Variants in EXOC3L4 observed in about 807,000 individuals in gnomAD.
The protein encoded by EXOC3L4 is exocyst complex component 3 like 4.
Under a neutral mutation model 69.7 loss-of-function variants are expected in EXOC3L4, and 62 were observed. The ratio of observed to expected loss-of-function variants is 0.89; its 90% CI spans 0.72 to 1.10. The LOEUF (loss-of-function observed/expected upper bound fraction) is 1.10, where lower values mean the gene tolerates loss of function less well. Among genes scored for constraint, EXOC3L4 ranks in the 50% least tolerant of loss-of-function variants. EXOC3L4 has a pLI of 0.00. For synonymous variants in EXOC3L4, 502 were observed against 464.2 expected (o/e 1.08, Z -1.05); for missense variants, 1,087 against 1,034.8 (o/e 1.05, Z -0.69).
In EXOC3L4 at chr14:103,102,400, CTTCTCCCCCCGACGACG is replaced by C. The variant is rs1372805130; in HGVS notation, c.678_694del (p.Ser227ArgfsTer120). The C allele has an allele frequency of 3.9e-6, 6 of 1,541,316 alleles. No individual in the cohort carries two copies. In the East Asian group the frequency reaches 1.2e-4, roughly 32 times the overall value. On this transcript the variant is annotated frameshift_variant, in exon 3 of 12. Coordinates refer to ENST00000688303, the MANE Select transcript of EXOC3L4 (RefSeq NM_001077594.2). LOFTEE classifies it high-confidence loss of function. ...GTGAGCGCGGAGGAGGAAGCCCACC[CTTCTCCCCCCGACGACG>C]GCGACTTCCTGCGCACGCCGCGCCG... is the stretch of plus-strand genomic sequence containing the variant.
chr14:103,100,726 C>A, intron 2 of EXOC3L4, 113 bp downstream of exon 2: 1 of 1,291,736 alleles, frequency 7.7e-7, no homozygotes, highest in Admixed American at 2.8e-5. Context: ...ACCCTGCCCC[C>A]GAACATGTGC....
chr14:103,104,639 ACAGCGGGGCGGGCTGGAGGCG>A (rs11275586), intron 5 of EXOC3L4, 78 bp from the exon 6 acceptor site: 317,595 of 1,295,234 alleles, frequency 0.25, 38,199 homozygotes, highest in South Asian at 0.27. Context: ...ACTGACAGGC[ACAGCGGGGCGGGCTGGAGGCG>A]CAGCGGGGGC....
At chr14:103,101,966 T>G in intron 2 of EXOC3L4, 152 bp from the exon 3 acceptor site, 3 of 841,450 alleles carry the variant, frequency 3.6e-6, no homozygotes, top group Non-Finnish European at 5.4e-6. Context: ...CTGGGGCCTG[T>G]TGTTCCTGGA....
chr14:103,110,364 G>C lies in EXOC3L4; in HGVS notation c.*141G>C. The stretch of plus-strand genomic sequence containing the variant: ...GGGAATTTTTGTCGTCAGCAGCCAA[G>C]CGCAGCTGTCAGGCCAGAAGGAGCA... On this transcript the variant is annotated 3_prime_UTR_variant, in exon 12 of 12. Coordinates refer to ENST00000688303, the MANE Select transcript of EXOC3L4 (RefSeq NM_001077594.2). 9.7e-7 allele frequency: 1 copy of C among 1,028,982 alleles called. No individual in the cohort carries two copies. The highest frequency in any genetic ancestry group is 1.5e-6 in the Non-Finnish European group (1 of 685,706). The allele number at this position is 1,028,982 out of a possible 1,614,324, so 63.7% of individuals were successfully genotyped here. A position where few individuals can be genotyped will look rare whatever the true frequency, so the allele number is the denominator to read the frequency against.
Position 103,104,730 on chromosome 14 carries a change from G to C in EXOC3L4, c.1285-8G>C, listed in dbSNP as rs1163941018. 3.3e-6 allele frequency: 5 copies of C among 1,492,926 alleles called. No homozygotes were observed. Among genetic ancestry groups the C allele is most frequent in the Non-Finnish European group, 4.5e-6 (5 of 1,122,234 alleles). 92.5% of individuals were successfully genotyped at this position (1,492,926 alleles called of 1,614,324 possible). On this transcript the variant is annotated splice_polypyrimidine_tract_variant and splice_region_variant and intron_variant, in intron 5 of 11. Coordinates refer to ENST00000688303, the MANE Select transcript of EXOC3L4 (RefSeq NM_001077594.2). ...GGAGGCACGCTCAGTGCGGGGCTTC[G>C]CTCGCAGCTCGTGGCCGAGCACGTG...
rs956215361 is a variant in EXOC3L4, at chr14:103,097,910, G to T, written c.-16-2294G>T. Among the ~76,000 whole-genome samples the T allele has an allele frequency of 2.6e-5, 4 of 152,152 alleles. No homozygotes were observed. The highest frequency in any genetic ancestry group is 6.5e-5 in the Admixed American group (1 of 15,282). On this transcript the variant is annotated intron_variant, in intron 1 of 11. Coordinates refer to ENST00000688303, the MANE Select transcript of EXOC3L4 (RefSeq NM_001077594.2). The surrounding 1 kb of genome is among the most constrained non-coding windows in gnomAD (Gnocchi z 4.9). ...GAGGTGTCATCAGCGGGAGGTGGGGGGTGGAGGAAGGAGGTTCCAGGATGG... is the reference window on the plus strand; with the variant it reads ...GAGGTGTCATCAGCGGGAGGTGGGGTGTGGAGGAAGGAGGTTCCAGGATGG...
In EXOC3L4 at chr14:103,104,801, C is replaced by G. The variant is rs1265329999; in HGVS notation, c.1348C>G (p.Arg450Gly). The change falls in exon 6 of 12, where the codon CGA becomes GGA. Residue 450 changes from arginine (R) to glycine (G), a missense_variant. By Grantham distance (125) the Arg-to-Gly change is moderately radical. Transcript: ENST00000688303. ...CGCGGAGCTGGAGGCCACCACCCTG[C>G]GAATCTGCACGCGGGCGCTCGGCCT... ...ISAELEATTL[R>G]ICTRALGLFV... 2.0e-6 allele frequency: 3 copies of G among 1,522,134 alleles called. No individual in the cohort carries two copies. The highest frequency in any genetic ancestry group is 2.4e-5 in the South Asian group (2 of 82,292). 94.3% of individuals were successfully genotyped at this position (1,522,134 alleles called of 1,614,324 possible). A position where few individuals can be genotyped will look rare whatever the true frequency, so the allele number is the denominator to read the frequency against.
rs1890245890 is a variant in EXOC3L4 at position 103,102,404 on chromosome 14, T to C, written c.681T>C (p.Ser227=). The stretch of plus-strand genomic sequence containing the variant: ...GCGCGGAGGAGGAAGCCCACCCTTC[T>C]CCCCCCGACGACGGCGACTTCCTGC... ...VVSAEEEAHP[S]PPDDGDFLRT... is the part of the protein sequence containing the mutation. Residue 227 remains serine, a synonymous_variant, in exon 3 of 12, where the codon TCT becomes TCC. Transcript: ENST00000688303. The C allele has an allele frequency of 1.3e-6, 2 of 1,536,838 alleles. No individual in the cohort carries two copies. The highest frequency in any genetic ancestry group is 1.7e-4 in the Middle Eastern group (1 of 5,748).
rs570268756 is a variant in EXOC3L4 at position 103,107,535 on chromosome 14, C to T, written c.1693C>T (p.Arg565Trp). Residue 565 changes from arginine to tryptophan, a missense_variant, in exon 9 of 12, where the codon CGG becomes TGG. Physicochemically the swap from Arg to Trp is moderately radical, Grantham distance 101. Transcript: ENST00000688303. ...AGHLQRVARP[R>W]AQETLQEVHR... ...TCATCTCCAGCGTGTGGCCCGGCCGCGGGCACAGGTACCACAAGGGGGAGG... is the reference window on the plus strand; with the variant it reads ...TCATCTCCAGCGTGTGGCCCGGCCGTGGGCACAGGTACCACAAGGGGGAGG... The T allele has an allele frequency of 1.5e-5, 24 of 1,613,610 alleles. No individual in the cohort carries two copies. Among genetic ancestry groups the T allele is most frequent in the Middle Eastern group, 1.6e-4 (1 of 6,062 alleles).
rs988808817 is a variant in EXOC3L4, at chr14:103,104,276, G to T, written c.1171G>T (p.Ala391Ser). The stretch of plus-strand genomic sequence containing the variant: ...TCCCTTCTCCCCCCAGGCCAAGATC[G>T]CAAGCTGCTTCGACAGCATCTTGCA... ...DYTSFLEAKIASCFDSILQLE... is the reference protein window; with the variant it reads ...DYTSFLEAKISSCFDSILQLE... The change falls in exon 5 of 12, where the codon GCA (alanine) becomes TCA (serine). Residue 391 changes from alanine (A) to serine (S), a missense_variant. Transcript: ENST00000688303. The T allele has an allele frequency of 2.5e-6, 4 of 1,589,854 alleles. No individual in the cohort carries two copies. Among genetic ancestry groups the T allele is most frequent in the Non-Finnish European group, 3.4e-6 (4 of 1,170,042 alleles).
Position 103,103,972 on chromosome 14 carries a change from C to T in EXOC3L4, c.1081C>T (p.Leu361=), listed in dbSNP as rs1313547462. ...PDFLGAPGLA[L]PAEPLPPLLA... ...CTTCCTGGGCGCCCCGGGGCTGGCG[C>T]TGCCCGCCGAGCCGCTGCCTCCGCT... The change falls in exon 4 of 12, where the codon CTG becomes TTG. Residue 361 remains leucine (L), a synonymous_variant. Transcript: ENST00000688303. 3 of 1,550,378 alleles carry T rather than the reference C, an allele frequency of 1.9e-6. No homozygotes were observed. In the Admixed American group the frequency reaches 5.7e-5, roughly 29 times the overall value.
intron 1 of EXOC3L4, among the ~76,000 whole-genome samples, chr14:103,099,535 C>T (rs954258462): frequency 6.6e-6 from 1 of 152,350 alleles, no homozygotes; most frequent in South Asian, 2.1e-4. Context: ...AGACCCGAGG[C>T]TCCTCCTTCT....
chr14:103,106,741 G>T, intron 7 of EXOC3L4, 44 bp from the exon 8 acceptor site: 1 of 1,273,126 alleles, frequency 7.9e-7, no homozygotes, highest in East Asian at 2.5e-5. Flanking sequence ...TCCCCAGCCT[G>T]GTCTCCCTTG....
upstream of EXOC3L4, among the ~76,000 whole-genome samples, chr14:103,094,555 G>A (rs1437200376): frequency 6.6e-6 from 1 of 151,604 alleles, no homozygotes; most frequent in Admixed American, 6.5e-5. Flanking sequence ...CCCTTGGACT[G>A]AGCCCTGAGC....
rs116779416 is a variant in EXOC3L4, at chr14:103,097,546, G to A, written c.-16-2658G>A. 7.7e-3 allele frequency among the ~76,000 whole-genome samples: 1,175 copies of A among 152,246 alleles called. 21 individuals carry two copies. The highest frequency in any genetic ancestry group is 0.027 in the African/African-American group (1,125 of 41,526). ...CAGCATGGCAGCAGGCAGGCCAGCC[G>A]GGGGTGGCAGGGCGACCCTGATACC... On this transcript the variant is annotated intron_variant, in intron 1 of 11. Coordinates refer to ENST00000688303, the MANE Select transcript of EXOC3L4 (RefSeq NM_001077594.2). The surrounding 1 kb of genome is among the most constrained non-coding windows in gnomAD (Gnocchi z 4.9).
intron 11 of EXOC3L4, among the ~76,000 whole-genome samples, chr14:103,109,673 C>T (rs8020073): frequency 0.029 from 127 of 4,332 alleles, 23 homozygotes; most frequent in Non-Finnish European, 0.033. Context: ...CTCCACCCTG[C>T]CCCCATGTCT....
intron 3 of EXOC3L4, 21 bp from the exon 4 acceptor site, chr14:103,103,920 G>A (rs1890371307): frequency 1.3e-6 from 2 of 1,514,184 alleles, no homozygotes; most frequent in African/African-American, 1.4e-5. Flanking sequence ...CCCGCCCCCA[G>A]CCCCCTGCCC....
At chr14:103,105,474 G>C (rs533759161) in intron 7 of EXOC3L4, among the ~76,000 whole-genome samples, 1 of 152,200 alleles carries the variant, frequency 6.6e-6, no homozygotes, top group East Asian at 1.9e-4. Flanking sequence ...TCTTGTGTGT[G>C]TGTGTCCATC....
chr14:103,108,528 C>T lies in EXOC3L4; in HGVS notation c.1976+11C>T. 1 of 1,610,908 alleles carries T rather than the reference C, an allele frequency of 6.2e-7. No homozygotes were observed. On this transcript the variant is annotated intron_variant, in intron 11 of 11. Transcript: ENST00000688303. ...CTACCCCGACATCAGGTGTGTACCC[C>T]ACCTGCTTCCACTAGCTTCCTACCA...
Sources: gnomAD v4.1 joint callset for allele counts (sites outside exome capture counted in the v4.1 genomes callset) on GRCh38, gnomAD v4.1.1 for gene constraint, Gnocchi (gnomAD v3.1) non-coding constraint, MANE v1.5 for transcripts, NCBI Gene and HGNC (gene_info 2026-07-23, HGNC 2026-07-21) for gene names.